IKBKB: variants seen among roughly 807,000 people sequenced by gnomAD.
The protein encoded by IKBKB is inhibitor of nuclear factor kappa-B kinase subunit beta.
A neutral mutation model predicts 113.6 loss-of-function variants in IKBKB; 42 were observed. The observed-to-expected ratio is 0.37, with a 90% CI of 0.29 to 0.48. IKBKB has a LOEUF of 0.48. Among genes scored for constraint, IKBKB ranks in the 20% least tolerant of loss-of-function variants. The probability of loss-of-function intolerance (pLI) is 0.99; values close to 1 mark genes in which losing one functional copy is unlikely to be tolerated. For synonymous variants in IKBKB, 296 were observed against 361.3 expected (o/e 0.82, Z 2.05); for missense variants, 673 against 939.7 (o/e 0.72, Z 3.71).
rs548202028 is a variant in IKBKB at position 42,288,293 on chromosome 8, A to T, written c.106-341A>T. The stretch of plus-strand genomic sequence containing the variant: ...TCCCAGCTACTCAGGAGGCTGAGGC[A>T]CAAGAATCACTTGAACACGGGAGGT... On this transcript the variant is annotated intron_variant, in intron 2 of 21. Coordinates refer to ENST00000520810, the MANE Select transcript of IKBKB (RefSeq NM_001556.3). Among the ~76,000 whole-genome samples the T allele has an allele frequency of 5.9e-5, 9 of 152,174 alleles. No individual in the cohort carries two copies. In the East Asian group the frequency reaches 1.5e-3, roughly 26 times the overall value.
chr8:42,285,711 C>CT (rs1811282818), intron 2 of IKBKB, among the ~76,000 whole-genome samples: 1 of 152,204 alleles, frequency 6.6e-6, no homozygotes, highest in African/African-American at 2.4e-5. Flanking sequence ...TGCCTACTGC[C>CT]GCAGACTGGA....
chr8:42,297,656 A>C (rs1225094458), intron 5 of IKBKB, among the ~76,000 whole-genome samples: 1 of 152,188 alleles, frequency 6.6e-6, no homozygotes, highest in African/African-American at 2.4e-5. Context: ...GCACTGTGGG[A>C]GGCTGAGGCA....
intron 2 of IKBKB, 70 bp from the exon 3 acceptor site, chr8:42,288,564 C>G: frequency 8.1e-7 from 1 of 1,231,788 alleles, no homozygotes; most frequent in Non-Finnish European, 1.2e-6. Context: ...GAGACCCCTC[C>G]CATGCAGCAG....
At chr8:42,301,824 C>G (rs117511244) in intron 5 of IKBKB, among the ~76,000 whole-genome samples, 4 of 152,192 alleles carry the variant, frequency 2.6e-5, no homozygotes, top group Non-Finnish European at 5.9e-5. Context: ...GAATGCTCCT[C>G]CTCTTCACTG....
At chr8:42,284,578 T>C (rs2130219355) in intron 2 of IKBKB, among the ~76,000 whole-genome samples, 1 of 146,242 alleles carries the variant, frequency 6.8e-6, no homozygotes, top group East Asian at 2.0e-4. Flanking sequence ...CGAGACTCCG[T>C]CTCAAAAAAA....
rs910321172 is a variant in IKBKB, at chr8:42,280,493, C to T, written c.106-8141C>T. On this transcript the variant is annotated intron_variant, in intron 2 of 21. Transcript: ENST00000520810. ...GTTTTGGGAGTGGGGGCGGGAAACA[C>T]GATACTCAGTCACACAGACCTGGGT... 3.3e-5 allele frequency among the ~76,000 whole-genome samples: 5 copies of T among 152,286 alleles called. No homozygotes were observed. The East Asian group carries it at 5.8e-4, about 18-fold the overall frequency.
At chr8:42,301,098 C>T (rs534559187) in intron 5 of IKBKB, among the ~76,000 whole-genome samples, 1 of 152,108 alleles carries the variant, frequency 6.6e-6, no homozygotes, top group Non-Finnish European at 1.5e-5. Context: ...CTCAAGGGAT[C>T]CTCCTCCCTC....
At chr8:42,278,289 G>T (rs1288793665) in intron 2 of IKBKB, among the ~76,000 whole-genome samples, 2 of 152,230 alleles carry the variant, frequency 1.3e-5, no homozygotes, top group Non-Finnish European at 2.9e-5. Context: ...CTGGGTGGCT[G>T]AGGGTGGACG....
intron 5 of IKBKB, among the ~76,000 whole-genome samples, chr8:42,296,453 A>T (rs1813835090): frequency 1.3e-5 from 2 of 152,210 alleles, no homozygotes; most frequent in Non-Finnish European, 2.9e-5. Context: ...AACATGGTGA[A>T]ACCCCGTCTC....
chr8:42,303,137 GGAGAGAGAATGA>G (rs149424577), intron 5 of IKBKB, among the ~76,000 whole-genome samples: 12,856 of 146,578 alleles, frequency 0.088, 722 homozygotes, highest in Non-Finnish European at 0.12. Flanking sequence ...GAGAGAGAGA[GGAGAGAGAATGA>G]GAGAGAGAAT....
chr8:42,325,246 T>A, intron 19 of IKBKB: 1 of 985,700 alleles, frequency 1.0e-6, no homozygotes, highest in Non-Finnish European at 1.2e-6. Context: ...GGGCAGTGGC[T>A]GCAGCCCCTT....
chr8:42,276,254 G>A (rs1327209310), intron 2 of IKBKB, among the ~76,000 whole-genome samples: 3 of 152,112 alleles, frequency 2.0e-5, no homozygotes, highest in Non-Finnish European at 2.9e-5. Flanking sequence ...GCCTTCATTT[G>A]TTACTTTTTG....
At chr8:42,330,666 A>G in intron 21 of IKBKB, 1 of 257,942 alleles carries the variant, frequency 3.9e-6, no homozygotes, top group South Asian at 1.4e-4. Flanking sequence ...GCTTGCCACC[A>G]CGCCTGGCTA....
chr8:42,324,224 G>T (rs749898818), intron 19 of IKBKB, among the ~76,000 whole-genome samples: 4 of 152,196 alleles, frequency 2.6e-5, no homozygotes, highest in Admixed American at 6.5e-5. Flanking sequence ...GGAGGATGAA[G>T]CTGCTGAGGT....
intron 5 of IKBKB, chr8:42,298,469 AT>A: frequency 1.0e-5 from 10 of 985,454 alleles, no homozygotes; most frequent in Non-Finnish European, 1.1e-5. Context: ...AGAGAGCTCC[AT>A]TCCAGGAACT....
At chr8:42,322,998 G>A (rs544184869) in intron 19 of IKBKB, among the ~76,000 whole-genome samples, 2 of 152,200 alleles carry the variant, frequency 1.3e-5, no homozygotes, top group African/African-American at 2.4e-5. Flanking sequence ...CCCTCTGAGG[G>A]CTCTTGGGGA....
chr8:42,306,288 G>C, intron 6 of IKBKB, 55 bp from the exon 7 acceptor site: 1 of 1,125,452 alleles, frequency 8.9e-7, no homozygotes, highest in Non-Finnish European at 1.4e-6. Flanking sequence ...CAGAATCCTC[G>C]TAGAAGGACA....
At chr8:42,294,763 G>A (rs1321615433) in intron 5 of IKBKB, among the ~76,000 whole-genome samples, 2 of 152,174 alleles carry the variant, frequency 1.3e-5, no homozygotes, top group African/African-American at 2.4e-5. Flanking sequence ...CACATGGCCC[G>A]CATGAGTCTC....
At chr8:42,321,077 T>C (rs1819694372) in intron 16 of IKBKB, 1 of 422,526 alleles carries the variant, frequency 2.4e-6, no homozygotes, top group East Asian at 4.2e-5. Context: ...AGATAATGCA[T>C]TTGAGACGCA....
Sources: allele counts gnomAD v4.1 joint callset (sites outside exome capture counted in the v4.1 genomes callset), GRCh38; gene constraint gnomAD v4.1.1; transcripts MANE v1.5; gene names NCBI Gene and HGNC (gene_info 2026-07-23, HGNC 2026-07-21).